Variants in VPS50 observed in about 807,000 individuals in gnomAD.
VPS50 encodes syndetin.
VPS50 carries 70 observed loss-of-function variants against 139.7 expected under a neutral mutation model. That is an observed-to-expected ratio of 0.50 (90% CI 0.41 to 0.61). VPS50 has a LOEUF of 0.61. Ranked by LOEUF, VPS50 falls within the 20% of genes least tolerant of loss-of-function variation. The probability of loss-of-function intolerance (pLI) is 0.00; values close to 1 mark genes in which losing one functional copy is unlikely to be tolerated. For missense variants in VPS50, 921 were observed against 1,133.7 expected (o/e 0.81, Z 2.69); for synonymous variants, 365 against 376.7 (o/e 0.97, Z 0.36).
intron 2 of VPS50, among the ~76,000 whole-genome samples, chr7:93,247,506 T>G (rs1795191621): frequency 6.6e-6 from 1 of 152,010 alleles, no homozygotes; most frequent in Admixed American, 6.6e-5. Flanking sequence ...TTTCTAAATC[T>G]GAAATTCTAC....
intron 2 of VPS50, among the ~76,000 whole-genome samples, chr7:93,244,072 A>AT (rs1283042468): frequency 2.0e-5 from 3 of 151,498 alleles, no homozygotes; most frequent in Non-Finnish European, 4.4e-5. Context: ...TTTACCTTTG[A>AT]TTTTTTTTCG....
At chr7:93,267,197 A>G (rs930383127) in intron 9 of VPS50, among the ~76,000 whole-genome samples, 4 of 152,218 alleles carry the variant, frequency 2.6e-5, no homozygotes, top group Non-Finnish European at 5.9e-5. Flanking sequence ...GAAAATGTTT[A>G]TCAGTTCTGA....
chr7:93,327,801 G>C (rs73219920), intron 21 of VPS50, among the ~76,000 whole-genome samples: 6,438 of 152,154 alleles, frequency 0.042, 179 homozygotes, highest in African/African-American at 0.067. Flanking sequence ...TACCCCATTA[G>C]CTGTTGAATG....
intron 9 of VPS50, among the ~76,000 whole-genome samples, chr7:93,266,212 T>G (rs1795840007): frequency 1.3e-5 from 2 of 152,206 alleles, no homozygotes; most frequent in Admixed American, 1.3e-4. Context: ...GTTTTATAAC[T>G]TTACTGAACC....
chr7:93,343,058 C>T (rs993789701), intron 23 of VPS50, among the ~76,000 whole-genome samples: 1 of 152,046 alleles, frequency 6.6e-6, no homozygotes, highest in Non-Finnish European at 1.5e-5. Context: ...ACATTCAAAC[C>T]AAAGGCAAAG....
Position 93,276,248 on chromosome 7 carries a change from A to G in VPS50, c.885A>G (p.Leu295=). 6.2e-7 allele frequency: 1 copy of G among 1,613,712 alleles called. No individual in the cohort carries two copies. The highest frequency in any genetic ancestry group is 8.5e-7 in the Non-Finnish European group (1 of 1,179,730). ...VFQVVLGYVE[L]CAGNTDTKFQ... is the part of the protein sequence containing the mutation. ...AAGTTGTTCTTGGTTATGTGGAACT[A>G]TGTGCAGGAAACACAGACACAAAAT... Residue 295 remains leucine (L), a synonymous_variant, in exon 12 of 28, where the codon CTA becomes CTG. Transcript: ENST00000305866.
intron 9 of VPS50, among the ~76,000 whole-genome samples, chr7:93,263,087 C>G (rs1023669120): frequency 1.3e-5 from 2 of 149,580 alleles, no homozygotes; most frequent in African/African-American, 4.9e-5. Context: ...TTCCTCTGGT[C>G]TTCCCAGTAC....
intron 21 of VPS50, among the ~76,000 whole-genome samples, chr7:93,330,222 C>A (rs9886010): frequency 0.5 from 75,236 of 151,856 alleles, 20,862 homozygotes; most frequent in African/African-American, 0.75. Flanking sequence ...ATGAAACATA[C>A]TACAAATAAC....
chr7:93,308,811 G>A lies in VPS50; in HGVS notation c.1630-13G>A. 1.4e-6 allele frequency: 2 copies of A among 1,431,506 alleles called. No homozygotes were observed. Among genetic ancestry groups the A allele is most frequent in the Non-Finnish European group, 2.0e-6 (2 of 1,017,290 alleles). The allele number at this position is 1,431,506 out of a possible 1,614,324, so 88.7% of individuals were successfully genotyped here. On this transcript the variant is annotated splice_polypyrimidine_tract_variant and intron_variant, in intron 18 of 27. Coordinates refer to ENST00000305866, the MANE Select transcript of VPS50 (RefSeq NM_017667.4). The stretch of plus-strand genomic sequence containing the variant: ...CTTTATACTCATTTTTTAATAACCT[G>A]TGTTTTCTTCAGTATGAATCTGATG...
At position 93,259,622 on chromosome 7, in the gene VPS50, A is replaced by C. The variant is rs372089506; in HGVS notation, c.649A>C (p.Ser217Arg). Residue 217 changes from serine to arginine, a missense_variant, in exon 9 of 28, where the codon AGT (serine) becomes CGT (arginine). By Grantham distance (110) the Ser-to-Arg change is moderately radical. Transcript: ENST00000305866. ...AGCTGCCAGCACTTTTAAACATTAC[A>C]GTTGTATAAGGTAAGGTCATGTAAA... ...QKAASTFKHY[S>R]CISELNSKLQ... 5.8e-6 allele frequency: 9 copies of C among 1,559,890 alleles called. No homozygotes were observed. Among genetic ancestry groups the C allele is most frequent in the African/African-American group, 1.4e-5 (1 of 73,844 alleles).
intron 24 of VPS50, 51 bp from the exon 25 acceptor site, chr7:93,349,824 T>C: frequency 1.4e-6 from 2 of 1,416,818 alleles, no homozygotes; most frequent in Non-Finnish European, 2.0e-6. Context: ...TCTTTATCAA[T>C]ATGATACTTT....
At chr7:93,268,165 A>G (rs975847497) in intron 9 of VPS50, among the ~76,000 whole-genome samples, 3 of 152,172 alleles carry the variant, frequency 2.0e-5, no homozygotes, top group African/African-American at 7.2e-5. Flanking sequence ...CATATAGAAT[A>G]TTGACCAAAT....
chr7:93,326,458 AAAAAAT>A (rs1367015124), intron 21 of VPS50, among the ~76,000 whole-genome samples: 1 of 147,680 alleles, frequency 6.8e-6, no homozygotes, highest in African/African-American at 2.5e-5. Flanking sequence ...AATAATAAAA[AAAAAAT>A]AAAATAAAAT....
chr7:93,250,752 A>T (rs973299481), intron 2 of VPS50, among the ~76,000 whole-genome samples: 2 of 152,110 alleles, frequency 1.3e-5, no homozygotes, highest in East Asian at 3.9e-4. Context: ...TCAGAGTGAA[A>T]AGGCAACCTA....
chr7:93,259,489 T>A, intron 8 of VPS50, 61 bp from the exon 9 acceptor site: 1 of 847,586 alleles, frequency 1.2e-6, no homozygotes, highest in Non-Finnish European at 2.0e-6. Context: ...GATTTTTTTT[T>A]ATCAGGGGCT....
At position 93,258,016 on chromosome 7, in the gene VPS50, A is replaced by C. The variant is rs202104224; in HGVS notation, c.423-143A>C. 9.6e-5 allele frequency: 55 copies of C among 570,558 alleles called. No individual in the cohort carries two copies. The East Asian group carries it at 1.6e-3, about 17-fold the overall frequency. The allele number at this position is 570,558 out of a possible 1,614,324, so 35.3% of individuals were successfully genotyped here. On this transcript the variant is annotated intron_variant, in intron 6 of 27. Coordinates refer to ENST00000305866, the MANE Select transcript of VPS50 (RefSeq NM_017667.4). ...TAATGCTGGTTTAGACTGGCCATTG[A>C]GTACATTTGTCAAATAGTAGTTTAA...
intron 15 of VPS50, 126 bp downstream of exon 15, chr7:93,296,962 G>T (rs1180608600): frequency 5.6e-6 from 8 of 1,435,404 alleles, no homozygotes; most frequent in Non-Finnish European, 7.3e-6. Context: ...CTAAGTTTGT[G>T]AGTGTATTTA....
chr7:93,324,298 G>A (rs889241893), intron 21 of VPS50, among the ~76,000 whole-genome samples: 6 of 152,066 alleles, frequency 3.9e-5, no homozygotes, highest in Non-Finnish European at 7.4e-5. Context: ...CTGCCTAATT[G>A]CCCTGGCCAG....
At chr7:93,343,557 GA>G (rs945005029) in intron 23 of VPS50, among the ~76,000 whole-genome samples, 1 of 152,038 alleles carries the variant, frequency 6.6e-6, no homozygotes, top group Non-Finnish European at 1.5e-5. Flanking sequence ...TGAAATGAAG[GA>G]AAAAATGTTA....
Sources: allele counts gnomAD v4.1 joint callset (sites outside exome capture counted in the v4.1 genomes callset), GRCh38; gene constraint gnomAD v4.1.1; transcripts MANE v1.5; gene names NCBI Gene and HGNC (gene_info 2026-07-23, HGNC 2026-07-21).